The following RXFP2 variants were observed in gnomAD, a reference collection of about 807,000 sequenced individuals.
RXFP2 encodes the protein relaxin family peptide receptor 2.
RXFP2 carries 68 observed loss-of-function variants against 88.6 expected under a neutral mutation model. The ratio of observed to expected loss-of-function variants is 0.77; its 90% CI spans 0.63 to 0.94. The LOEUF is 0.94. RXFP2 is among the 40% of genes least tolerant of loss of function. The probability of loss-of-function intolerance (pLI) is 0.00; values close to 1 mark genes in which losing one functional copy is unlikely to be tolerated. For synonymous variants in RXFP2, 329 were observed against 306.8 expected (o/e 1.07, Z -0.76); for missense variants, 791 against 893.9 (o/e 0.88, Z 1.47).
chr13:31,752,822 T>C (rs1228670775), intron 1 of RXFP2, among the ~76,000 whole-genome samples: 1 of 152,054 alleles, frequency 6.6e-6, no homozygotes, highest in Admixed American at 6.6e-5. Context: ...AGCCCCTGAG[T>C]TCTTGGTAGT....
chr13:31,766,050 T>A (rs1206311396), intron 5 of RXFP2, 23 bp downstream of exon 5: 8 of 1,122,364 alleles, frequency 7.1e-6, no homozygotes, highest in Non-Finnish European at 1.0e-5. Flanking sequence ...TAATAGCATA[T>A]TTATTTAAAA....
chr13:31,756,593 T>C (rs1871962558), intron 1 of RXFP2, among the ~76,000 whole-genome samples: 1 of 150,806 alleles, frequency 6.6e-6, no homozygotes, highest in African/African-American at 2.4e-5. Context: ...GTCTACACTC[T>C]CCTTAAATCA....
rs573241711 is a variant in RXFP2 at position 31,778,502 on chromosome 13, T to C, written c.714-10T>C. 10 of 1,576,112 alleles carry C rather than the reference T, an allele frequency of 6.3e-6. No homozygotes were observed. In the Admixed American group the frequency reaches 1.5e-4, roughly 24 times the overall value. On this transcript the variant is annotated splice_polypyrimidine_tract_variant and intron_variant, in intron 8 of 17. Transcript: ENST00000298386. Reference sequence around the variant, plus strand: ...ATTTTATTTCTAATTAACATTTTCTTTGTGTAAAGGTCTATGGTTAATAAC... The same window carrying C: ...ATTTTATTTCTAATTAACATTTTCTCTGTGTAAAGGTCTATGGTTAATAAC...
chr13:31,789,022 A>G lies in RXFP2; in HGVS notation c.1074-100A>G, dbSNP rs1873674744. On this transcript the variant is annotated intron_variant, in intron 13 of 17. Coordinates refer to ENST00000298386, the MANE Select transcript of RXFP2 (RefSeq NM_130806.5). ...ACTTTCATTCTAATCTGCATTGGTA[A>G]CATAAGATCTTGAAGCATTATATTT... The G allele has an allele frequency of 5.0e-6, 4 of 793,758 alleles. No individual in the cohort carries two copies. In the East Asian group the frequency reaches 9.9e-5, roughly 20 times the overall value. 49.2% of individuals were successfully genotyped at this position (793,758 alleles called of 1,614,324 possible). A position where few individuals can be genotyped will look rare whatever the true frequency, so the allele number is the denominator to read the frequency against.
chr13:31,793,425 T>C (rs1873886675), intron 16 of RXFP2, among the ~76,000 whole-genome samples: 1 of 139,402 alleles, frequency 7.2e-6, no homozygotes, highest in Admixed American at 8.0e-5. Flanking sequence ...CCAAGTTATT[T>C]AAACTCTTTT....
rs769154078 is a variant in RXFP2, at chr13:31,786,456, T to A, written c.1001+2T>A. The A allele has an allele frequency of 3.1e-6, 5 of 1,594,566 alleles. No individual in the cohort carries two copies. The highest frequency in any genetic ancestry group is 3.3e-5 in the Admixed American group (2 of 59,998). On this transcript the variant is annotated splice_donor_variant, in intron 12 of 17. Transcript: ENST00000298386. LOFTEE classifies it high-confidence loss of function. Reference sequence around the variant, plus strand: ...AGACTTGAAGCTTCTACAAAAGCTGTAAGTTCTACTTCTCACCATAATCAG... The same window carrying A: ...AGACTTGAAGCTTCTACAAAAGCTGAAAGTTCTACTTCTCACCATAATCAG...
Position 31,791,911 on chromosome 13 carries a change from C to G in RXFP2, c.1251C>G (p.Ile417Met), listed in dbSNP as rs1021644074. 1.2e-6 allele frequency: 2 copies of G among 1,613,918 alleles called. No individual in the cohort carries two copies. The highest frequency in any genetic ancestry group is 1.3e-5 in the African/African-American group (1 of 74,928). ...SSFEDLLANN[I>M]LRIFVWVIAF... ...TTGAGGACCTCTTGGCTAACAATAT[C>G]CTCAGAATATTTGTCTGGGTTATAG... Residue 417 changes from isoleucine (I) to methionine (M), a missense_variant, in exon 15 of 18, where the codon ATC becomes ATG. Ile to Met is a conservative substitution (Grantham distance 10). Transcript: ENST00000298386.
At chr13:31,765,181 A>G in intron 4 of RXFP2, 39 bp downstream of exon 4, 1 of 1,271,462 alleles carries the variant, frequency 7.9e-7, no homozygotes, top group Non-Finnish European at 1.2e-6. Flanking sequence ...CTGTCCCTAT[A>G]GTCACATGAA....
intron 7 of RXFP2, among the ~76,000 whole-genome samples, chr13:31,776,391 G>T (rs551861808): frequency 2.5e-4 from 38 of 150,558 alleles, no homozygotes; most frequent in Non-Finnish European, 4.3e-4. Context: ...GAGTAGTTGG[G>T]ACTACACGTG....
intron 1 of RXFP2, among the ~76,000 whole-genome samples, chr13:31,757,853 G>A (rs1872032423): frequency 6.6e-6 from 1 of 152,156 alleles, no homozygotes; most frequent in Non-Finnish European, 1.5e-5. Flanking sequence ...CGGCACTTTG[G>A]GAGGCCAAGG....
At chr13:31,801,579 TC>T (rs930123863) in intron 17 of RXFP2, among the ~76,000 whole-genome samples, 4 of 152,136 alleles carry the variant, frequency 2.6e-5, no homozygotes, top group African/African-American at 9.7e-5. Context: ...GTGACCTCTT[TC>T]CCTGAATATT....
At position 31,800,526 on chromosome 13, in the gene RXFP2, C is replaced by A. The variant is rs1475255724; in HGVS notation, c.2006-1620C>A. Reference sequence around the variant, plus strand: ...GGTAGAGCTTGCAGTGAGCCGAGATCGTGCCACTGCACTCCAGCCTGGGCG... The same window carrying A: ...GGTAGAGCTTGCAGTGAGCCGAGATAGTGCCACTGCACTCCAGCCTGGGCG... On this transcript the variant is annotated intron_variant, in intron 17 of 17. Transcript: ENST00000298386. Among the ~76,000 whole-genome samples the A allele has an allele frequency of 2.0e-5, 3 of 152,142 alleles. No homozygotes were observed. The South Asian group carries it at 6.2e-4, about 32-fold the overall frequency.
At position 31,795,153 on chromosome 13, in the gene RXFP2, C is replaced by CT. The variant is rs760482845; in HGVS notation, c.1787-2034dup. ...TACTATCGTGCATTTAGAGCATACA[C>CT]TTTTTTTTTTTTTTGAGACAGAGTC... is the stretch of plus-strand genomic sequence containing the variant. On this transcript the variant is annotated intron_variant, in intron 16 of 17. Transcript: ENST00000298386. 8.5e-3 allele frequency among the ~76,000 whole-genome samples: 1,216 copies of CT among 143,880 alleles called. 7 individuals are homozygous for CT. Among genetic ancestry groups the CT allele is most frequent in the South Asian group, 0.016 (74 of 4,526 alleles). The allele number at this position is 143,880 out of a possible 152,430, so 94.4% of individuals were successfully genotyped here.
intron 14 of RXFP2, among the ~76,000 whole-genome samples, chr13:31,790,425 T>A (rs1873739340): frequency 1.3e-5 from 2 of 152,194 alleles, no homozygotes. Flanking sequence ...TTTAATTGGA[T>A]GCCAGATATT....
chr13:31,755,481 C>T (rs559528937), intron 1 of RXFP2, among the ~76,000 whole-genome samples: 168 of 151,656 alleles, frequency 1.1e-3, no homozygotes, highest in Non-Finnish European at 1.6e-3. Flanking sequence ...AGCGTGGGTA[C>T]GGCTGGGTGC....
chr13:31,758,455 A>G (rs1362241302), intron 2 of RXFP2, 51 bp downstream of exon 2: 4 of 1,598,314 alleles, frequency 2.5e-6, no homozygotes, highest in South Asian at 2.2e-5. Flanking sequence ...TGAACACCCC[A>G]AAACTGTGGG....
chr13:31,777,157 C>T (rs1873026663), intron 7 of RXFP2, among the ~76,000 whole-genome samples: 1 of 151,988 alleles, frequency 6.6e-6, no homozygotes, highest in South Asian at 2.1e-4. Context: ...AGGGAGAAAG[C>T]AAAACAATCA....
At chr13:31,773,237 A>G (rs1872797896) in intron 5 of RXFP2, among the ~76,000 whole-genome samples, 1 of 152,212 alleles carries the variant, frequency 6.6e-6, no homozygotes, top group African/African-American at 2.4e-5. Context: ...TTAAGATGGC[A>G]CAAGGTCACA....
chr13:31,782,034 G>C (rs981326180), intron 10 of RXFP2, among the ~76,000 whole-genome samples: 1 of 151,916 alleles, frequency 6.6e-6, no homozygotes, highest in Non-Finnish European at 1.5e-5. Context: ...ACCAAGGAAG[G>C]GAAATAATGT....
Sources: allele counts gnomAD v4.1 joint callset (sites outside exome capture counted in the v4.1 genomes callset), GRCh38; gene constraint gnomAD v4.1.1; transcripts MANE v1.5; gene names NCBI Gene and HGNC (gene_info 2026-07-23, HGNC 2026-07-21).